The following KLHL17 variants were observed in gnomAD, a reference collection of about 807,000 sequenced individuals.
KLHL17 encodes the protein kelch like family member 17.
A neutral mutation model predicts 64.6 loss-of-function variants in KLHL17; 71 were observed. The ratio of observed to expected loss-of-function variants is 1.10; its 90% CI spans 0.91 to 1.34. KLHL17 has a LOEUF of 1.34. Among genes scored for constraint, KLHL17 ranks in the 40% most tolerant of loss-of-function variants. The probability of loss-of-function intolerance (pLI) is 0.00; values close to 1 mark genes in which losing one functional copy is unlikely to be tolerated. For missense variants in KLHL17, 1,140 were observed against 935.0 expected (o/e 1.22, Z -2.86); for synonymous variants, 612 against 405.4 (o/e 1.51, Z -6.12).
Position 961,275 on chromosome 1 carries a change from C to A in KLHL17, c.108-18C>A. 2 of 1,459,862 alleles carry A rather than the reference C, an allele frequency of 1.4e-6. No individual in the cohort carries two copies. The highest frequency in any genetic ancestry group is 1.8e-6 in the Non-Finnish European group (2 of 1,118,882). The allele number at this position is 1,459,862 out of a possible 1,614,324, so 90.4% of individuals were successfully genotyped here. ...GCGGCTCCAGCGGGGCGAAGCCTGACCCGCCCGCCTCCTGCAGCCCCGAGG... is the reference window on the plus strand; with the variant it reads ...GCGGCTCCAGCGGGGCGAAGCCTGAACCGCCCGCCTCCTGCAGCCCCGAGG... On this transcript the variant is annotated intron_variant, in intron 1 of 11. Coordinates refer to ENST00000338591, the MANE Select transcript of KLHL17 (RefSeq NM_198317.3).
At chr1:962,953 C>T (rs371638776) in intron 6 of KLHL17, 36 bp downstream of exon 6, 124 of 1,522,286 alleles carry the variant, frequency 8.1e-5, no homozygotes, top group Non-Finnish European at 1.1e-4. Flanking sequence ...TTGCCCTGTG[C>T]CTTCTACTCC....
rs556135661 is a variant in KLHL17, at chr1:965,122, G to A, written c.1860G>A (p.Ala620=). 2.9e-5 allele frequency: 47 copies of A among 1,612,622 alleles called. No homozygotes were observed. The highest frequency in any genetic ancestry group is 5.5e-5 in the South Asian group (5 of 91,076). Residue 620 remains alanine, a synonymous_variant, in exon 12 of 12, where the codon GCG becomes GCA. Transcript: ENST00000338591. ...CCCGGCGCAGCAGTGTGGGTGTGGC[G>A]GTGCTGGAGCTGCTCAATTTCCCGC... The part of the protein sequence containing the change: ...MFTRRSSVGV[A]VLELLNFPPP...
intron 11 of KLHL17, 44 bp from the exon 12 acceptor site, chr1:964,919 G>A (rs373676718): frequency 2.7e-5 from 38 of 1,405,450 alleles, no homozygotes; most frequent in East Asian, 2.2e-4. Flanking sequence ...CCCTCCCCCC[G>A]CATCCCTTCC....
At position 962,772 on chromosome 1, in the gene KLHL17, CCTG is replaced by C; in HGVS notation, c.898_900del (p.Leu300del). ...TGCTGGGCCACGTGGATGCCGAGAG[CCTG>C]GTGAGGCACCACCCTGACTGCAAGG... On this transcript the variant is annotated inframe_deletion, in exon 6 of 12. Transcript: ENST00000338591. 6.2e-7 allele frequency: 1 copy of C among 1,611,186 alleles called. No homozygotes were observed. Among genetic ancestry groups the C allele is most frequent in the Non-Finnish European group, 8.5e-7 (1 of 1,179,734 alleles).
chr1:960,930 C>T (rs1476191608), intron 1 of KLHL17, 130 bp downstream of exon 1: 5 of 687,000 alleles, frequency 7.3e-6, no homozygotes, highest in Admixed American at 6.2e-5. Flanking sequence ...AGGTGCGGAG[C>T]GGGGTCGGCC....
rs1333066892 is a variant in KLHL17 at position 964,698 on chromosome 1, A to AAGG, written c.1700+168_1700+169insAGG. 3.1e-3 allele frequency among the ~76,000 whole-genome samples: 6 copies of AAGG among 1,952 alleles called. 2 individuals are homozygous for AAGG. Among genetic ancestry groups the AAGG allele is most frequent in the East Asian group, 0.014 (2 of 140 alleles). 1.3% of individuals were successfully genotyped at this position (1,952 alleles called of 152,430 possible). ...TCCGCAGTGGGGATGTGCTGCCGGG[A>AAGG]GGGGGGCGCGGGTCCGCAGTGGGGA... On this transcript the variant is annotated intron_variant, in intron 11 of 11. Coordinates refer to ENST00000338591, the MANE Select transcript of KLHL17 (RefSeq NM_198317.3).
rs1182374872 is a variant in KLHL17 at position 960,798 on chromosome 1, G to A, written c.105G>A (p.Pro35=). Residue 35 remains proline (P), a splice_region_variant and synonymous_variant, in exon 1 of 12, where the codon CCG becomes CCA. Transcript: ENST00000338591. The part of the protein sequence containing the change: ...EAPPPPPPQP[P]APEAERTRPR... ...CGCCGCCTCCACCGCCGCAGCCGCC[G>A]GCGTGAGTGGGCGGGGGTCGGGGCG... is the stretch of plus-strand genomic sequence containing the variant. 3.9e-6 allele frequency: 4 copies of A among 1,038,330 alleles called. No individual in the cohort carries two copies. In the South Asian group the frequency reaches 1.3e-4, roughly 35 times the overall value. The allele number at this position is 1,038,330 out of a possible 1,614,324, so 64.3% of individuals were successfully genotyped here.
chr1:964,047 C>T (rs368133518), intron 9 of KLHL17, 39 bp downstream of exon 9: 6 of 1,612,136 alleles, frequency 3.7e-6, no homozygotes, highest in Admixed American at 1.7e-5. Context: ...TCCCCACCTT[C>T]CCCCACCGTG....
In KLHL17 at chr1:960,734, GC is replaced by G; in HGVS notation, c.44del (p.Pro15ArgfsTer46). ...GAGCGCCCGGCCGGCAGGACGCAGA[GC>G]CCGGAGCACGGCAGCCCGGGGCCCG... ...RSERPAGRTQ[S>X]PEHGSPGPGP... On this transcript the variant is annotated frameshift_variant, in exon 1 of 12. Coordinates refer to ENST00000338591, the MANE Select transcript of KLHL17 (RefSeq NM_198317.3). LOFTEE classifies it high-confidence loss of function. 1.5e-6 allele frequency: 2 copies of G among 1,317,222 alleles called. No homozygotes were observed. The allele number at this position is 1,317,222 out of a possible 1,614,324, so 81.6% of individuals were successfully genotyped here.
chr1:964,454 A>G lies in KLHL17; in HGVS notation c.1624A>G (p.Ser542Gly). 3.2e-6 allele frequency: 5 copies of G among 1,549,236 alleles called. No individual in the cohort carries two copies. Among genetic ancestry groups the G allele is most frequent in the Non-Finnish European group, 4.4e-6 (5 of 1,146,324 alleles). ...LYVAGGNDGT[S>G]CLNSVERYSP... ...CGTGGCAGGGGGCAACGACGGCACC[A>G]GCTGCCTCAACTCGGTAGAGAGATA... is the stretch of plus-strand genomic sequence containing the variant. The change falls in exon 11 of 12, where the codon AGC becomes GGC. Residue 542 changes from serine (S) to glycine (G), a missense_variant. By Grantham distance (56) the Ser-to-Gly change is moderately conservative. Transcript: ENST00000338591.
chr1:964,262 T>A (rs1642795151), intron 10 of KLHL17, 82 bp downstream of exon 10: 4 of 1,595,452 alleles, frequency 2.5e-6, no homozygotes, highest in Non-Finnish European at 3.4e-6. Flanking sequence ...TCCCCCCCAT[T>A]CCTGACACCC....
chr1:962,754 C>T lies in KLHL17; in HGVS notation c.879C>T (p.Gly293=), dbSNP rs1045797350. 1.4e-5 allele frequency: 22 copies of T among 1,610,782 alleles called. No individual in the cohort carries two copies. The highest frequency in any genetic ancestry group is 1.6e-5 in the Non-Finnish European group (19 of 1,179,666). ...TGCTGAGCCGCGACTTCCTGCTGGGCCACGTGGATGCCGAGAGCCTGGTGA... is the reference window on the plus strand; with the variant it reads ...TGCTGAGCCGCGACTTCCTGCTGGGTCACGTGGATGCCGAGAGCCTGGTGA... ...LPLLSRDFLL[G]HVDAESLVRH... is the part of the protein sequence containing the mutation. Residue 293 remains glycine, a synonymous_variant, in exon 6 of 12, where the codon GGC becomes GGT. Coordinates refer to ENST00000338591, the MANE Select transcript of KLHL17 (RefSeq NM_198317.3).
At position 962,467 on chromosome 1, in the gene KLHL17, C is replaced by T. The variant is rs774981534; in HGVS notation, c.824C>T (p.Pro275Leu). Residue 275 changes from proline to leucine, a missense_variant, in exon 5 of 12, where the codon CCA becomes CTA. Physicochemically the swap from Pro to Leu is moderately conservative, Grantham distance 98. Coordinates refer to ENST00000338591, the MANE Select transcript of KLHL17 (RefSeq NM_198317.3). ...HDVDARRQHVPRLMKCVRLPL... is the reference protein window; with the variant it reads ...HDVDARRQHVLRLMKCVRLPL... Reference sequence around the variant, plus strand: ...GTGGACGCCCGCAGGCAGCATGTCCCACGGGTGAGGCGCGGCCGCGGGGGG... The same window carrying T: ...GTGGACGCCCGCAGGCAGCATGTCCTACGGGTGAGGCGCGGCCGCGGGGGG... The T allele has an allele frequency of 9.9e-6, 16 of 1,612,374 alleles. No individual in the cohort carries two copies. The highest frequency in any genetic ancestry group is 1.4e-5 in the Non-Finnish European group (16 of 1,179,854).
At position 963,502 on chromosome 1, in the gene KLHL17, C is replaced by T; in HGVS notation, c.1353C>T (p.Asn451=). Residue 451 remains asparagine, a splice_region_variant and synonymous_variant, in exon 8 of 12, where the codon AAC becomes AAT. Transcript: ENST00000338591. ...GCTATGACGGGGCCTCCTGCCTGAA[C>T]AGGTAGTTGGGGTTGGGGCCCCAGT... ...AGGYDGASCL[N]SAERYDPLTG... 1.2e-6 allele frequency: 2 copies of T among 1,605,718 alleles called. No homozygotes were observed. The highest frequency in any genetic ancestry group is 1.7e-6 in the Non-Finnish European group (2 of 1,175,526).
At chr1:962,138 G>C in intron 4 of KLHL17, 91 bp downstream of exon 4, 1 of 1,255,776 alleles carries the variant, frequency 8.0e-7, no homozygotes, top group Non-Finnish European at 1.1e-6. Context: ...TCCTGACACA[G>C]CCCTGCCCAC....
rs368219006 is a variant in KLHL17 at position 962,487 on chromosome 1, G to A, written c.828+16G>A. 2.7e-5 allele frequency: 43 copies of A among 1,610,912 alleles called. No homozygotes were observed. Among genetic ancestry groups the A allele is most frequent in the Middle Eastern group, 3.3e-4 (2 of 6,000 alleles). On this transcript the variant is annotated intron_variant, in intron 5 of 11. Coordinates refer to ENST00000338591, the MANE Select transcript of KLHL17 (RefSeq NM_198317.3). ...TGTCCCACGGGTGAGGCGCGGCCGC[G>A]GGGGGCTCCCACAGCATCCAGGAGG... is the stretch of plus-strand genomic sequence containing the variant.
intron 9 of KLHL17, 21 bp from the exon 10 acceptor site, chr1:964,086 G>A (rs376549483): frequency 2.9e-5 from 47 of 1,612,514 alleles, no homozygotes; most frequent in African/African-American, 8.0e-5. Context: ...GGAGTGCCAC[G>A]GGTGTGTTGA....
Position 963,033 on chromosome 1 carries a change from G to A in KLHL17, c.1043-76G>A, listed in dbSNP as rs751726972. 2.6e-6 allele frequency: 4 copies of A among 1,564,818 alleles called. No individual in the cohort carries two copies. In the Admixed American group the frequency reaches 7.2e-5, roughly 28 times the overall value. On this transcript the variant is annotated intron_variant, in intron 6 of 11. Coordinates refer to ENST00000338591, the MANE Select transcript of KLHL17 (RefSeq NM_198317.3). ...CTGCCCCTCCGCCCCTCCATTCAGG[G>A]GCCTCTCCAGGAGCCTGGGGTGTGG...
At position 962,377 on chromosome 1, in the gene KLHL17, A is replaced by G. The variant is rs754584969; in HGVS notation, c.734A>G (p.Asp245Gly). 6.2e-7 allele frequency: 1 copy of G among 1,612,672 alleles called. No homozygotes were observed. The highest frequency in any genetic ancestry group is 1.7e-5 in the Admixed American group (1 of 60,010). Reference sequence around the variant, plus strand: ...CAGGTTCTGGAACTGGTCTCTAGCGACAGCCTGAACGTGCCTTCAGAGGAG... The same window carrying G: ...CAGGTTCTGGAACTGGTCTCTAGCGGCAGCCTGAACGTGCCTTCAGAGGAG... ...LKQVLELVSS[D>G]SLNVPSEEEV... The change falls in exon 5 of 12, where the codon GAC (aspartate) becomes GGC (glycine). Residue 245 changes from aspartate to glycine, a missense_variant. By Grantham distance (94) the Asp-to-Gly change is moderately conservative. Transcript: ENST00000338591.
Sources: gnomAD v4.1 joint callset for allele counts (sites outside exome capture counted in the v4.1 genomes callset) on GRCh38, gnomAD v4.1.1 for gene constraint, MANE v1.5 for transcripts, NCBI Gene and HGNC (gene_info 2026-07-23, HGNC 2026-07-21) for gene names.